SRGAP3: variants seen among roughly 807,000 people sequenced by gnomAD.
The protein encoded by SRGAP3 is SLIT-ROBO Rho GTPase-activating protein 3.
Under a neutral mutation model 121.1 loss-of-function variants are expected in SRGAP3, and 39 were observed. That is an observed-to-expected ratio of 0.32 (90% CI 0.25 to 0.42). The LOEUF (loss-of-function observed/expected upper bound fraction) is 0.42. SRGAP3 is among the 10% of genes least tolerant of loss of function. The pLI, the probability that SRGAP3 is intolerant of heterozygous loss-of-function variation, is 1.00. For missense variants in SRGAP3, 1,213 were observed against 1,470.6 expected (o/e 0.82, Z 2.86); for synonymous variants, 601 against 570.0 (o/e 1.05, Z -0.77).
At chr3:9,269,278 T>C (rs1954429396) in intron 3 of SRGAP3, among the ~76,000 whole-genome samples, 1 of 152,156 alleles carries the variant, frequency 6.6e-6, no homozygotes, top group South Asian at 2.1e-4. Context: ...AGGACCAAAG[T>C]CAGGCCTGCC....
chr3:9,250,054 G>A (rs942573794), upstream of SRGAP3, among the ~76,000 whole-genome samples: 2 of 152,178 alleles, frequency 1.3e-5, no homozygotes, highest in Admixed American at 1.3e-4. Context: ...CAGAGACGAT[G>A]CGAGGAGTTA....
intron 17 of SRGAP3, 104 bp downstream of exon 17, chr3:9,013,204 C>A: frequency 8.9e-7 from 1 of 1,122,670 alleles, no homozygotes; most frequent in Non-Finnish European, 1.3e-6. Flanking sequence ...TATATGGAAG[C>A]ACCGACTATC....
chr3:9,256,817 G>T (rs1954141913), intron 3 of SRGAP3: 1 of 398,522 alleles, frequency 2.5e-6, no homozygotes, highest in Non-Finnish European at 4.4e-6. Flanking sequence ...GCCTGGGAGA[G>T]TCTAAGTCGG....
intron 2 of SRGAP3, among the ~76,000 whole-genome samples, 177 bp downstream of exon 2, chr3:9,124,548 C>T (rs1949145235): frequency 6.6e-6 from 1 of 152,238 alleles, no homozygotes; most frequent in Admixed American, 6.5e-5. Context: ...TCTAGCTTCC[C>T]TTTACACATG....
chr3:9,075,860 GCATGAATTT>G (rs1229519999), intron 4 of SRGAP3, among the ~76,000 whole-genome samples: 1 of 152,206 alleles, frequency 6.6e-6, no homozygotes, highest in African/African-American at 2.4e-5. Context: ...TAGCAATGAA[GCATGAATTT>G]GGGGCACATA....
intron 3 of SRGAP3, among the ~76,000 whole-genome samples, chr3:9,088,406 T>G (rs142576573): frequency 1.3e-5 from 2 of 152,186 alleles, no homozygotes; most frequent in Non-Finnish European, 2.9e-5. Flanking sequence ...CCATCATGAA[T>G]GCAGGGAACC....
At chr3:9,044,949 C>T (rs921529279) in intron 10 of SRGAP3, among the ~76,000 whole-genome samples, 2 of 152,074 alleles carry the variant, frequency 1.3e-5, no homozygotes, top group African/African-American at 4.8e-5. Context: ...CGTGTAGTGG[C>T]TATATAAAAA....
At chr3:9,083,387 C>CA (rs1947325132) in intron 3 of SRGAP3, among the ~76,000 whole-genome samples, 1 of 152,204 alleles carries the variant, frequency 6.6e-6, no homozygotes, top group Non-Finnish European at 1.5e-5. Flanking sequence ...GCAACTGCTA[C>CA]AAAAAATTTC....
intron 17 of SRGAP3, among the ~76,000 whole-genome samples, chr3:9,012,884 C>T (rs1271636681): frequency 6.6e-6 from 1 of 152,056 alleles, no homozygotes; most frequent in Non-Finnish European, 1.5e-5. Flanking sequence ...GAGTGAGTTA[C>T]AGATCTTGAG....
intron 1 of SRGAP3, among the ~76,000 whole-genome samples, chr3:9,129,756 T>C (rs4686322): frequency 0.4 from 60,577 of 151,658 alleles, 12,160 homozygotes; most frequent in East Asian, 0.48. Flanking sequence ...GTATAGCAAA[T>C]TACTATTTCC....
chr3:9,023,565 C>T (rs1944031559), intron 14 of SRGAP3, among the ~76,000 whole-genome samples: 1 of 152,184 alleles, frequency 6.6e-6, no homozygotes, highest in African/African-American at 2.4e-5. Flanking sequence ...CCAGGCTGGG[C>T]TAGGGCCTCC....
At chr3:9,091,621 A>C (rs1400158) in intron 3 of SRGAP3, among the ~76,000 whole-genome samples, 4,001 of 152,260 alleles carry the variant, frequency 0.026, 174 homozygotes, top group African/African-American at 0.091. Flanking sequence ...AGGCTTCTCC[A>C]GCCTGTGCTG....
chr3:9,269,254 G>A (rs1954429006), intron 3 of SRGAP3, among the ~76,000 whole-genome samples: 1 of 152,166 alleles, frequency 6.6e-6, no homozygotes, highest in Non-Finnish European at 1.5e-5. Context: ...AGAGTCAATA[G>A]GCACTTCCCA....
chr3:9,286,153 C>T (rs916934915), intron 3 of SRGAP3, among the ~76,000 whole-genome samples: 38 of 145,316 alleles, frequency 2.6e-4, no homozygotes, highest in African/African-American at 9.7e-4. Context: ...CACACACACA[C>T]ACACACACAT....
chr3:9,206,174 C>G (rs1427470144), intron 1 of SRGAP3, among the ~76,000 whole-genome samples: 1 of 152,078 alleles, frequency 6.6e-6, no homozygotes, highest in Admixed American at 6.5e-5. Flanking sequence ...TAAATTTTAT[C>G]ACAACAAAAA....
chr3:9,050,262 T>G (rs2662090), intron 9 of SRGAP3, among the ~76,000 whole-genome samples: 70,551 of 151,978 alleles, frequency 0.46, 17,193 homozygotes, highest in East Asian at 0.66. Context: ...TTATCTCCTG[T>G]CCAAGAATTC....
chr3:9,032,865 C>T (rs558340682), intron 11 of SRGAP3, 113 bp from the exon 12 acceptor site: 338 of 906,224 alleles, frequency 3.7e-4, no homozygotes, highest in Non-Finnish European at 5.2e-4. Context: ...TAAATGGAAG[C>T]CCCTGACCCC....
intron 1 of SRGAP3, among the ~76,000 whole-genome samples, chr3:9,158,124 T>C (rs2125069853): frequency 6.6e-6 from 1 of 152,300 alleles, no homozygotes; most frequent in South Asian, 2.1e-4. Flanking sequence ...TGTAACAAAT[T>C]GTAAAAGAGC....
chr3:9,226,534 C>T (rs1038411042), intron 1 of SRGAP3, among the ~76,000 whole-genome samples: 4 of 152,184 alleles, frequency 2.6e-5, no homozygotes, highest in African/African-American at 9.7e-5. Context: ...CACTAGACTT[C>T]TATAAACGCA....
Sources: gnomAD v4.1 joint callset for allele counts (sites outside exome capture counted in the v4.1 genomes callset) on GRCh38, gnomAD v4.1.1 for gene constraint, MANE v1.5 for transcripts, NCBI Gene and HGNC (gene_info 2026-07-23, HGNC 2026-07-21) for gene names.